Variants in FBF1 observed in about 807,000 individuals in gnomAD.
FBF1 encodes Fas binding factor 1, also known as fas-binding factor 1.
Under a neutral mutation model 147.2 loss-of-function variants are expected in FBF1, and 119 were observed. The observed-to-expected ratio is 0.81, with a 90% CI of 0.70 to 0.94. The LOEUF is 0.94. Among genes scored for constraint, FBF1 ranks in the 40% least tolerant of loss-of-function variants. FBF1 has a pLI of 0.00. For synonymous variants in FBF1, 601 were observed against 609.0 expected (o/e 0.99, Z 0.19); for missense variants, 1,449 against 1,500.8 (o/e 0.97, Z 0.57).
Position 75,914,113 on chromosome 17 carries a change from G to A in FBF1, c.2991+9C>T, listed in dbSNP as rs370541289. ...CAGATGCGCCCACGCCCATGTGCCC[G>A]AGCAGCACCTTGCTCATGCTCTCCA... On this transcript the variant is annotated intron_variant, in intron 26 of 29. Transcript: ENST00000636174. 23 of 1,597,748 alleles carry A rather than the reference G, an allele frequency of 1.4e-5. No individual in the cohort carries two copies. In the East Asian group the frequency reaches 3.4e-4, roughly 23 times the overall value.
At chr17:75,916,493 G>A (rs954894203) in intron 23 of FBF1, among the ~76,000 whole-genome samples, 1 of 152,020 alleles carries the variant, frequency 6.6e-6, no homozygotes, top group Non-Finnish European at 1.5e-5. Context: ...GGTGGTTTGC[G>A]CCTGTAGTCC....
chr17:75,935,718 G>C, intron 3 of FBF1, 45 bp from the exon 4 acceptor site: 1 of 1,520,222 alleles, frequency 6.6e-7, no homozygotes, highest in Non-Finnish European at 8.8e-7. Flanking sequence ...GGAAAGAAGA[G>C]TGGCCCTTAT....
At chr17:75,914,640 G>T in intron 25 of FBF1, 107 bp downstream of exon 25, 1 of 1,186,818 alleles carries the variant, frequency 8.4e-7, no homozygotes, top group Non-Finnish European at 1.2e-6. Context: ...ATGCTCTTGT[G>T]ACATTAGTGC....
intron 4 of FBF1, among the ~76,000 whole-genome samples, chr17:75,934,755 T>G (rs1443224113): frequency 6.6e-6 from 1 of 151,464 alleles, no homozygotes; most frequent in Non-Finnish European, 1.5e-5. Flanking sequence ...GGCGAGCGCC[T>G]GTAATCCCAG....
At chr17:75,929,331 TA>T (rs201977631) in intron 7 of FBF1, among the ~76,000 whole-genome samples, 1 of 149,968 alleles carries the variant, frequency 6.7e-6, no homozygotes, top group East Asian at 2.0e-4. Flanking sequence ...ATGGTGTCTC[TA>T]AAAAAAAACC....
chr17:75,939,105 G>C (rs1486152687), intron 1 of FBF1, among the ~76,000 whole-genome samples: 1 of 151,896 alleles, frequency 6.6e-6, no homozygotes, highest in Non-Finnish European at 1.5e-5. Context: ...AGACCAGCCT[G>C]ACCAACATGG....
At position 75,928,187 on chromosome 17, in the gene FBF1, C is replaced by G. The variant is rs746459524; in HGVS notation, c.286G>C (p.Asp96His). Residue 96 changes from aspartate to histidine, a missense_variant, in exon 8 of 30, where the codon GAC (aspartate) becomes CAC (histidine). Asp to His is a moderately conservative substitution (Grantham distance 81). Transcript: ENST00000636174. This position sits in a 1 kb window ranked among gnomAD's most constrained non-coding sequence, Gnocchi z 4.2. ...QALLQAMKDL[D>H]GMDADILGLK... ...CCTAAGATATCAGCATCCATGCCGT[C>G]CAGGTCCTAGAAAACCAGGGAGGGA... The G allele has an allele frequency of 1.2e-6, 2 of 1,613,792 alleles. No individual in the cohort carries two copies. Among genetic ancestry groups the G allele is most frequent in the Admixed American group, 3.3e-5 (2 of 60,000 alleles).
rs2065539945 is a variant in FBF1 at position 75,923,313 on chromosome 17, C to T, written c.1297G>A (p.Glu433Lys). The change falls in exon 14 of 30, where the codon GAG becomes AAG. Residue 433 changes from glutamate to lysine, a missense_variant. Transcript: ENST00000636174. The surrounding 1 kb of genome is among the most constrained non-coding windows in gnomAD (Gnocchi z 4.1). ...QASKLRASKE[E>K]KEDWLSHALS... ...GCATGGCTCAGCCAGTCCTCTTTCT[C>T]CTCCTTGGAGGCTCGCAGCTTGGAA... 1.3e-6 allele frequency: 2 copies of T among 1,596,736 alleles called. No individual in the cohort carries two copies. The highest frequency in any genetic ancestry group is 1.7e-6 in the Non-Finnish European group (2 of 1,172,152).
intron 5 of FBF1, among the ~76,000 whole-genome samples, chr17:75,932,267 C>T (rs1005623126): frequency 2.6e-5 from 4 of 151,990 alleles, no homozygotes; most frequent in African/African-American, 7.3e-5. Flanking sequence ...ATCCCAACTG[C>T]GTGGGAGGCT....
chr17:75,936,781 C>A (rs139468540), intron 3 of FBF1, among the ~76,000 whole-genome samples: 1 of 152,290 alleles, frequency 6.6e-6, no homozygotes, highest in African/African-American at 2.4e-5. Context: ...AAAGATCAGT[C>A]TTCCAGACCC....
chr17:75,914,082 T>C (rs1478065053), intron 26 of FBF1, 32 bp from the exon 27 acceptor site: 2 of 1,593,236 alleles, frequency 1.3e-6, no homozygotes, highest in Non-Finnish European at 1.7e-6. Flanking sequence ...CAGGGCTGCC[T>C]GGGCTCAGAT....
chr17:75,914,645 T>A, intron 25 of FBF1, 102 bp downstream of exon 25: 3 of 1,225,400 alleles, frequency 2.4e-6, no homozygotes, highest in South Asian at 3.2e-5. Context: ...CTTGTGACAT[T>A]AGTGCTACAC....
rs146945022 is a variant in FBF1, at chr17:75,937,565, C to T, written c.31+1G>A. 89 of 1,613,942 alleles carry T rather than the reference C, an allele frequency of 5.5e-5. No homozygotes were observed. The East Asian group carries it at 2.0e-3, about 36-fold the overall frequency. ...GAGTAATGTTCCATCTCTCCACTCA[C>T]CTTTACATCCTTTCTTGGTTTTTGG... On this transcript the variant is annotated splice_donor_variant, in intron 3 of 29. Coordinates refer to ENST00000636174, the MANE Select transcript of FBF1 (RefSeq NM_001319193.2). LOFTEE classifies it high-confidence loss of function.
chr17:75,927,623 G>A (rs1356770900), intron 8 of FBF1, 91 bp from the exon 9 acceptor site: 6 of 1,130,622 alleles, frequency 5.3e-6, no homozygotes, highest in Non-Finnish European at 7.8e-6. Flanking sequence ...CTGGGATGGG[G>A]TGCACTTCTT....
At chr17:75,917,638 A>C in intron 23 of FBF1, 94 bp downstream of exon 23, 3 of 1,124,876 alleles carry the variant, frequency 2.7e-6, no homozygotes, top group Non-Finnish European at 3.8e-6. Flanking sequence ...CTCCTGAGGA[A>C]GTGAGGTCAC....
chr17:75,917,675 C>G (rs1411792384), intron 23 of FBF1, 57 bp downstream of exon 23: 2 of 1,475,682 alleles, frequency 1.4e-6, no homozygotes, highest in Non-Finnish European at 1.8e-6. Context: ...TTGCGGGTGC[C>G]CTGGAGAAGA....
Position 75,926,762 on chromosome 17 carries a change from A to T in FBF1, c.591T>A (p.Asp197Glu), listed in dbSNP as rs373520510. The change falls in exon 10 of 30, where the codon GAT (aspartate) becomes GAA (glutamate). Residue 197 changes from aspartate to glutamate, a missense_variant. Coordinates refer to ENST00000636174, the MANE Select transcript of FBF1 (RefSeq NM_001319193.2). Reference sequence around the variant, plus strand: ...AATGAGCCCACTCCACCCTACCTTGATCTCTCACTGTGCTGGGGCTCTTGT... The same window carrying T: ...AATGAGCCCACTCCACCCTACCTTGTTCTCTCACTGTGCTGGGGCTCTTGT... Reference protein sequence around the residue: ...ASDKSPSTVRDQGPSIPLTPG... With the variant: ...ASDKSPSTVREQGPSIPLTPG... The T allele has an allele frequency of 1.9e-6, 3 of 1,613,084 alleles. No homozygotes were observed. The highest frequency in any genetic ancestry group is 2.5e-6 in the Non-Finnish European group (3 of 1,179,558).
chr17:75,930,080 A>T (rs1226258523), intron 6 of FBF1, 33 bp from the exon 7 acceptor site: 5 of 1,524,690 alleles, frequency 3.3e-6, no homozygotes, highest in Non-Finnish European at 4.5e-6. Flanking sequence ...GACACAGATG[A>T]GGAGGCACAT....
intron 25 of FBF1, 57 bp downstream of exon 25, chr17:75,914,690 G>T (rs2065476895): frequency 1.4e-6 from 2 of 1,463,918 alleles, no homozygotes; most frequent in East Asian, 2.5e-5. Context: ...GATGTGTCCA[G>T]ATGGAGGGGC....
Sources: gnomAD v4.1 joint callset for allele counts (sites outside exome capture counted in the v4.1 genomes callset) on GRCh38, gnomAD v4.1.1 for gene constraint, Gnocchi (gnomAD v3.1) non-coding constraint, MANE v1.5 for transcripts, NCBI Gene and HGNC (gene_info 2026-07-23, HGNC 2026-07-21) for gene names.